Variants in SPINK1 observed in about 807,000 individuals in gnomAD.
SPINK1 encodes serine protease inhibitor Kazal-type 1.
In SPINK1, 5 loss-of-function variants were observed where a neutral mutation model predicts 9.5. The observed-to-expected ratio is 0.52, with a 90% CI of 0.27 to 1.10. The LOEUF is 1.10. Among genes scored for constraint, SPINK1 ranks in the 50% least tolerant of loss-of-function variants. The probability of loss-of-function intolerance (pLI) is 0.11; values close to 1 mark genes in which losing one functional copy is unlikely to be tolerated. For missense variants in SPINK1, 88 were observed against 92.7 expected (o/e 0.95, Z 0.21); for synonymous variants, 37 against 32.3 (o/e 1.14, Z -0.49).
chr5:147,835,009 C>T (rs1022273383), upstream of SPINK1, among the ~76,000 whole-genome samples: 1 of 151,820 alleles, frequency 6.6e-6, no homozygotes, highest in Non-Finnish European at 1.5e-5. Flanking sequence ...TCCTATGGAC[C>T]CTAGACAATC....
At chr5:147,826,718 A>G (rs928548246) in intron 3 of SPINK1, among the ~76,000 whole-genome samples, 16 of 152,200 alleles carry the variant, frequency 1.1e-4, no homozygotes, top group African/African-American at 3.6e-4. Flanking sequence ...CAGATTTATT[A>G]CAAAGTAGAA....
intron 1 of SPINK1, among the ~76,000 whole-genome samples, chr5:147,830,454 G>A (rs2127137221): frequency 6.6e-6 from 1 of 152,258 alleles, no homozygotes; most frequent in South Asian, 2.1e-4. Flanking sequence ...GGTGATCTGA[G>A]CAAAGAGGTA....
intron 2 of SPINK1, 38 bp from the exon 3 acceptor site, chr5:147,828,166 C>G (rs1160942726): frequency 1.3e-6 from 2 of 1,514,526 alleles, no homozygotes; most frequent in Non-Finnish European, 1.8e-6. Flanking sequence ...TCCCATTATT[C>G]TCCATTCTTG....
upstream of SPINK1, among the ~76,000 whole-genome samples, chr5:147,834,025 C>G (rs1432045088): frequency 6.6e-6 from 1 of 152,170 alleles, no homozygotes; most frequent in Admixed American, 6.6e-5. Flanking sequence ...CTTTCTGGGT[C>G]TTCCTTTACT....
chr5:147,838,674 C>A, the SPINK1 span, among the ~76,000 whole-genome samples: 1 of 152,142 alleles, frequency 6.6e-6, no homozygotes. Context: ...TCCCAAATTT[C>A]TCCAGTTCTC....
upstream of SPINK1, among the ~76,000 whole-genome samples, chr5:147,833,186 G>C (rs1265617129): frequency 3.3e-5 from 5 of 152,166 alleles, no homozygotes; most frequent in African/African-American, 4.8e-5. Flanking sequence ...TGAGGCTGAC[G>C]CTGGTTTGAC....
intron 1 of SPINK1, 119 bp downstream of exon 1, chr5:147,831,404 A>G: frequency 7.6e-7 from 1 of 1,314,630 alleles, no homozygotes; most frequent in Non-Finnish European, 1.1e-6. Context: ...ATTTCATCTC[A>G]TTAGGTCCAA....
upstream of SPINK1, among the ~76,000 whole-genome samples, chr5:147,833,512 G>A (rs972747612): frequency 3.9e-5 from 6 of 152,000 alleles, no homozygotes; most frequent in African/African-American, 1.2e-4. Context: ...TGTTCTCCCT[G>A]ATATTTCCCT....
At chr5:147,838,404 A>G in the SPINK1 span, among the ~76,000 whole-genome samples, 1 of 152,160 alleles carries the variant, frequency 6.6e-6, no homozygotes, top group Non-Finnish European at 1.5e-5. Context: ...GTGTATGAAG[A>G]TCATAAAAAC....
chr5:147,838,342 T>C, the SPINK1 span, among the ~76,000 whole-genome samples: 2 of 152,166 alleles, frequency 1.3e-5, no homozygotes, highest in Non-Finnish European at 2.9e-5. Flanking sequence ...AATAACCACA[T>C]TTCAGATAAG....
chr5:147,832,047 C>A (rs1368382963), upstream of SPINK1, among the ~76,000 whole-genome samples: 1 of 152,158 alleles, frequency 6.6e-6, no homozygotes, highest in Non-Finnish European at 1.5e-5. Context: ...TTCCTCCACT[C>A]TTCCTTTCTT....
At chr5:147,824,797 T>G in intron 3 of SPINK1, 91 bp from the exon 4 acceptor site, 1 of 1,156,278 alleles carries the variant, frequency 8.6e-7, no homozygotes, top group South Asian at 1.3e-5. Flanking sequence ...AATAACAGCT[T>G]CATTTAAAGT....
intron 3 of SPINK1, among the ~76,000 whole-genome samples, chr5:147,825,274 TC>T (rs1756380034): frequency 6.7e-6 from 1 of 149,208 alleles, no homozygotes; most frequent in Non-Finnish European, 1.5e-5. Flanking sequence ...AAACTAAATA[TC>T]TCTAAATTTT....
intron 3 of SPINK1, among the ~76,000 whole-genome samples, chr5:147,825,708 TG>T (rs748090621): frequency 9.2e-5 from 14 of 152,302 alleles, no homozygotes; most frequent in Non-Finnish European, 1.8e-4. Flanking sequence ...TCCAAAGTGC[TG>T]GGATTACAGG....
At chr5:147,829,028 T>C (rs1756461796) in intron 2 of SPINK1, among the ~76,000 whole-genome samples, 1 of 152,156 alleles carries the variant, frequency 6.6e-6, no homozygotes, top group Non-Finnish European at 1.5e-5. Context: ...ATTGCATTCA[T>C]TCATGAACTT....
upstream of SPINK1, chr5:147,831,843 T>C (rs901073378): frequency 2.7e-5 from 36 of 1,332,810 alleles, no homozygotes; most frequent in Non-Finnish European, 3.4e-5. Flanking sequence ...AAAATAGTTC[T>C]AGTGGTTAGT....
chr5:147,829,026 C>G (rs1337011759), intron 2 of SPINK1, among the ~76,000 whole-genome samples: 1 of 152,026 alleles, frequency 6.6e-6, no homozygotes, highest in Non-Finnish European at 1.5e-5. Context: ...ATATTGCATT[C>G]ATTCATGAAC....
chr5:147,833,091 G>T (rs772212523), upstream of SPINK1, among the ~76,000 whole-genome samples: 10 of 152,132 alleles, frequency 6.6e-5, no homozygotes, highest in Non-Finnish European at 1.3e-4. Context: ...ATCACACAGA[G>T]ACATGAAGGA....
chr5:147,837,655 T>TTCTTTCTTTC, the SPINK1 span, among the ~76,000 whole-genome samples: 1 of 88,518 alleles, frequency 1.1e-5, no homozygotes, highest in East Asian at 4.3e-4. Flanking sequence ...CTTCTTTTCT[T>TTCTTTCTTTC]TCTTTCTTTC....
Sources: gnomAD v4.1 joint callset for allele counts (sites outside exome capture counted in the v4.1 genomes callset) on GRCh38, gnomAD v4.1.1 for gene constraint, MANE v1.5 for transcripts, NCBI Gene and HGNC (gene_info 2026-07-23, HGNC 2026-07-21) for gene names.